ZRANB3: variants seen among roughly 807,000 people sequenced by gnomAD.
The protein encoded by ZRANB3 is zinc finger RANBP2-type containing 3, also known as DNA annealing helicase and endonuclease ZRANB3.
Under a neutral mutation model 133.8 loss-of-function variants are expected in ZRANB3, and 125 were observed. That is an observed-to-expected ratio of 0.93 (90% confidence interval 0.81 to 1.08). The LOEUF is 1.08. Ranked by LOEUF, ZRANB3 falls within the 50% of genes least tolerant of loss-of-function variation. The pLI is 0.00. For missense variants in ZRANB3, 1,229 were observed against 1,275.5 expected (o/e 0.96, Z 0.56); for synonymous variants, 387 against 432.7 (o/e 0.89, Z 1.31).
chr2:135,505,278 TA>T (rs1433781176), intron 1 of ZRANB3, among the ~76,000 whole-genome samples: 1 of 151,932 alleles, frequency 6.6e-6, no homozygotes, highest in Non-Finnish European at 1.5e-5. Flanking sequence ...ATCTCATCTT[TA>T]AAAAAAAGTT....
chr2:135,228,293 G>T, intron 13 of ZRANB3: 2 of 212,214 alleles, frequency 9.4e-6, no homozygotes, highest in East Asian at 1.2e-4. Context: ...TTCAGATAAA[G>T]AGAACACAAC....
chr2:135,387,301 T>A lies in ZRANB3; in HGVS notation c.180+3501A>T, dbSNP rs192607719. 3.3e-5 allele frequency among the ~76,000 whole-genome samples: 5 copies of A among 152,340 alleles called. No individual in the cohort carries two copies. The East Asian group carries it at 9.6e-4, about 29-fold the overall frequency. On this transcript the variant is annotated intron_variant, in intron 3 of 20. Transcript: ENST00000264159. ...TGACCTTTAAATTATAAATTGTACT[T>A]CCTTCTCTGGCTTCACCACTGTTTT...
At chr2:135,212,202 G>A (rs1187698597) in intron 17 of ZRANB3, among the ~76,000 whole-genome samples, 9 of 152,168 alleles carry the variant, frequency 5.9e-5, no homozygotes, top group Admixed American at 1.3e-4. Flanking sequence ...GGCAGTAGTC[G>A]TAGTTAAAGC....
chr2:135,313,556 T>G lies in ZRANB3; in HGVS notation c.899A>C (p.Asn300Thr). Residue 300 changes from asparagine (N) to threonine (T), a missense_variant, in exon 8 of 21, where the codon AAT becomes ACT. Transcript: ENST00000264159. ...CATGACTGTCTCCATGGCACCTGAA[T>G]TTGGAGTTCTCATTATTTTTTCCCA... ...EEWEKIMRTPNSGAMETVMGL... is the reference protein window; with the variant it reads ...EEWEKIMRTPTSGAMETVMGL... The G allele has an allele frequency of 6.2e-7, 1 of 1,613,866 alleles. No individual in the cohort carries two copies. The highest frequency in any genetic ancestry group is 8.5e-7 in the Non-Finnish European group (1 of 1,179,840).
rs776595416 is a variant in ZRANB3, at chr2:135,390,789, T to C, written c.180+13A>G. On this transcript the variant is annotated intron_variant, in intron 3 of 20. Coordinates refer to ENST00000264159, the MANE Select transcript of ZRANB3 (RefSeq NM_032143.4). ...AATCTTATAAAAGACATAAAAACCA[T>C]TGAAACACTTACTTCATCAGCCACC... The C allele has an allele frequency of 8.6e-5, 133 of 1,545,592 alleles. No individual in the cohort carries two copies. Among genetic ancestry groups the C allele is most frequent in the African/African-American group, 1.7e-4 (12 of 72,060 alleles).
intron 8 of ZRANB3, among the ~76,000 whole-genome samples, chr2:135,299,530 A>C (rs958336936): frequency 2.0e-5 from 3 of 152,158 alleles, no homozygotes; most frequent in Admixed American, 6.6e-5. Context: ...AAATTATTAG[A>C]GTTCAGCTGG....
At chr2:135,352,718 A>C (rs968787487) in intron 4 of ZRANB3, among the ~76,000 whole-genome samples, 3 of 152,200 alleles carry the variant, frequency 2.0e-5, no homozygotes, top group African/African-American at 7.2e-5. Flanking sequence ...CCAAAATTTA[A>C]AAATCTAAGT....
rs1026707041 is a variant in ZRANB3 at position 135,315,596 on chromosome 2, A to G, written c.678-66T>C. The G allele has an allele frequency of 9.6e-6, 11 of 1,139,918 alleles. No homozygotes were observed. The African/African-American group carries it at 1.3e-4, about 13-fold the overall frequency. The allele number at this position is 1,139,918 out of a possible 1,614,324, so 70.6% of individuals were successfully genotyped here. A position where few individuals can be genotyped will look rare whatever the true frequency, so the allele number is the denominator to read the frequency against. On this transcript the variant is annotated intron_variant, in intron 6 of 20. Transcript: ENST00000264159. ...TGGAGTTAAGAAAATAATTTATCCA[A>G]TGTGCTCTTCCTTTTAATGATAAGG... is the stretch of plus-strand genomic sequence containing the variant.
intron 2 of ZRANB3, among the ~76,000 whole-genome samples, chr2:135,414,185 C>T (rs1355535617): frequency 6.6e-6 from 1 of 152,124 alleles, no homozygotes; most frequent in African/African-American, 2.4e-5. Context: ...CAAGACCCAT[C>T]AGTGTGCTGT....
intron 1 of ZRANB3, chr2:135,511,563 G>C (rs1431522511): frequency 2.0e-6 from 2 of 1,001,818 alleles, no homozygotes; most frequent in Non-Finnish European, 3.2e-6. Context: ...AGATATCATT[G>C]TGAACATAGA....
At chr2:135,210,396 AC>A (rs1266223317) in intron 17 of ZRANB3, among the ~76,000 whole-genome samples, 12 of 152,054 alleles carry the variant, frequency 7.9e-5, no homozygotes, top group Non-Finnish European at 1.6e-4. Flanking sequence ...GTGCAATGAC[AC>A]TATCTCAGCT....
intron 3 of ZRANB3, among the ~76,000 whole-genome samples, chr2:135,366,164 T>G (rs1318532647): frequency 1.3e-5 from 2 of 152,166 alleles, no homozygotes; most frequent in African/African-American, 4.8e-5. Context: ...TAGAAAGAAT[T>G]CCAAATCTCA....
chr2:135,256,055 C>T (rs1679639452), intron 12 of ZRANB3, among the ~76,000 whole-genome samples: 1 of 151,616 alleles, frequency 6.6e-6, no homozygotes, highest in Admixed American at 6.6e-5. Context: ...GCTGGGACTA[C>T]AGGCATGTGC....
intron 12 of ZRANB3, among the ~76,000 whole-genome samples, chr2:135,232,240 G>T (rs559736360): frequency 2.6e-5 from 4 of 152,342 alleles, no homozygotes; most frequent in African/African-American, 7.2e-5. Flanking sequence ...AGTGAGGCTG[G>T]GGGAGGGGCG....
chr2:135,198,964 C>T lies in ZRANB3; in HGVS notation c.*1378G>A. On this transcript the variant is annotated 3_prime_UTR_variant, in exon 21 of 21. Coordinates refer to ENST00000264159, the MANE Select transcript of ZRANB3 (RefSeq NM_032143.4). The stretch of plus-strand genomic sequence containing the variant: ...GAGGTATATGTCCTAATAGTATTTA[C>T]AAACAGCTCCCTTTTGGGAATGTAA... 1 of 152,214 alleles carries T rather than the reference C, an allele frequency of 6.6e-6. No individual in the cohort carries two copies. The highest frequency in any genetic ancestry group is 1.9e-4 in the East Asian group (1 of 5,204). 9.4% of individuals were successfully genotyped at this position (152,214 alleles called of 1,614,324 possible). A position where few individuals can be genotyped will look rare whatever the true frequency, so the allele number is the denominator to read the frequency against.
At chr2:135,338,758 C>T (rs551507029) in intron 6 of ZRANB3, among the ~76,000 whole-genome samples, 2 of 152,140 alleles carry the variant, frequency 1.3e-5, no homozygotes, top group Non-Finnish European at 2.9e-5. Context: ...GTATTATTTA[C>T]TAAACACGCA....
At chr2:135,279,611 C>T (rs1381912584) in intron 8 of ZRANB3, among the ~76,000 whole-genome samples, 2 of 152,144 alleles carry the variant, frequency 1.3e-5, no homozygotes, top group African/African-American at 2.4e-5. Context: ...CCTCTAGTCT[C>T]GGATGGATTC....
At chr2:135,491,246 T>C (rs781377776) in intron 2 of ZRANB3, among the ~76,000 whole-genome samples, 1 of 152,162 alleles carries the variant, frequency 6.6e-6, no homozygotes, top group Non-Finnish European at 1.5e-5. Context: ...ACATAAGTTA[T>C]AGATAATCAC....
At chr2:135,216,969 G>C (rs981707059) in intron 17 of ZRANB3, among the ~76,000 whole-genome samples, 3 of 152,116 alleles carry the variant, frequency 2.0e-5, no homozygotes, top group Non-Finnish European at 2.9e-5. Context: ...AATATCTGAC[G>C]GTCAACCTTT....
Sources: gnomAD v4.1 joint callset for allele counts (sites outside exome capture counted in the v4.1 genomes callset) on GRCh38, gnomAD v4.1.1 for gene constraint, MANE v1.5 for transcripts, NCBI Gene and HGNC (gene_info 2026-07-23, HGNC 2026-07-21) for gene names.